Variants in CNBD1 observed in about 807,000 individuals in gnomAD.
CNBD1 encodes cyclic nucleotide binding domain containing 1.
A neutral mutation model predicts 54.4 loss-of-function variants in CNBD1; 71 were observed. The observed-to-expected ratio is 1.30, with a 90% CI of 1.08 to 1.59. CNBD1 has a LOEUF of 1.59. Among genes scored for constraint, CNBD1 ranks in the 40% most tolerant of loss-of-function variants. The pLI is 0.00. For missense variants in CNBD1, 659 were observed against 518.0 expected (o/e 1.27, Z -2.64); for synonymous variants, 182 against 170.7 (o/e 1.07, Z -0.51).
intron 6 of CNBD1, among the ~76,000 whole-genome samples, chr8:87,244,293 G>A (rs2130832849): frequency 6.6e-6 from 1 of 152,272 alleles, no homozygotes; most frequent in South Asian, 2.1e-4. Flanking sequence ...AATCAGCTAT[G>A]CATCTATCTC....
chr8:87,370,826 GC>G (rs1329866757), intron 10 of CNBD1, among the ~76,000 whole-genome samples: 1 of 150,284 alleles, frequency 6.7e-6, no homozygotes, highest in Non-Finnish European at 1.5e-5. Flanking sequence ...GAATGGTAAT[GC>G]CTAGGTTTTC....
At chr8:87,119,567 T>A (rs887210790) in intron 4 of CNBD1, among the ~76,000 whole-genome samples, 2 of 152,110 alleles carry the variant, frequency 1.3e-5, no homozygotes, top group African/African-American at 4.8e-5. Flanking sequence ...TTGCATGCCT[T>A]TTATTTTTTT....
At chr8:87,099,733 G>A (rs922275935) in intron 4 of CNBD1, among the ~76,000 whole-genome samples, 1 of 152,192 alleles carries the variant, frequency 6.6e-6, no homozygotes, top group East Asian at 1.9e-4. Flanking sequence ...ATGTTTGTAT[G>A]ATATAAGGTT....
chr8:87,145,340 C>A (rs1812460674), intron 4 of CNBD1, among the ~76,000 whole-genome samples: 1 of 151,998 alleles, frequency 6.6e-6, no homozygotes, highest in African/African-American at 2.4e-5. Context: ...TTGTACCTGT[C>A]AAAAATATCT....
chr8:87,301,680 C>CA (rs577837070), intron 8 of CNBD1, among the ~76,000 whole-genome samples: 489 of 151,962 alleles, frequency 3.2e-3, no homozygotes, highest in Non-Finnish European at 5.9e-3. Context: ...AAAAACCCTT[C>CA]AAAAAATCAA....
intron 4 of CNBD1, among the ~76,000 whole-genome samples, chr8:87,009,967 CT>C (rs1279483214): frequency 6.6e-6 from 1 of 152,088 alleles, no homozygotes; most frequent in African/African-American, 2.4e-5. Context: ...CTTTTGTCTT[CT>C]TTTTTTGAAA....
chr8:86,940,288 C>A (rs1243836037), intron 4 of CNBD1, among the ~76,000 whole-genome samples: 1 of 151,736 alleles, frequency 6.6e-6, no homozygotes, highest in African/African-American at 2.4e-5. Context: ...TGCCTCAGCC[C>A]CCCAAGTAGC....
intron 4 of CNBD1, among the ~76,000 whole-genome samples, chr8:87,033,032 C>A (rs993016988): frequency 1.1e-4 from 16 of 152,076 alleles, no homozygotes; most frequent in African/African-American, 3.6e-4. Context: ...CTATCATAAA[C>A]CCTGTGAAGT....
rs547086706 is a variant in CNBD1 at position 87,331,331 on chromosome 8, T to C, written c.1043-20354T>C. Among the ~76,000 whole-genome samples, 7 of 152,278 alleles carry C rather than the reference T, an allele frequency of 4.6e-5. No homozygotes were observed. In the South Asian group the frequency reaches 1.4e-3, roughly 32 times the overall value. Reference sequence around the variant, plus strand: ...TGCAGTGTTTGGTTTTCTGTACTTGTGTGAGTTTGTTGAGGTTGATGGCTT... The same window carrying C: ...TGCAGTGTTTGGTTTTCTGTACTTGCGTGAGTTTGTTGAGGTTGATGGCTT... On this transcript the variant is annotated intron_variant, in intron 8 of 10. Coordinates refer to ENST00000518476, the MANE Select transcript of CNBD1 (RefSeq NM_173538.3).
intron 2 of CNBD1, among the ~76,000 whole-genome samples, chr8:87,409,479 A>G (rs1311651981): frequency 6.6e-6 from 1 of 152,184 alleles, no homozygotes; most frequent in East Asian, 1.9e-4. Context: ...TGCTGCAGCA[A>G]ATTATCCAGG....
intron 6 of CNBD1, 35 bp from the exon 7 acceptor site, chr8:87,284,643 T>C: frequency 6.4e-7 from 1 of 1,566,404 alleles, no homozygotes; most frequent in Non-Finnish European, 8.7e-7. Context: ...TGATGAGTGG[T>C]AATAAACATT....
At chr8:87,385,462 G>A (rs1347860442), downstream of CNBD1, among the ~76,000 whole-genome samples, 1 of 152,084 alleles carries the variant, frequency 6.6e-6, no homozygotes, top group African/African-American at 2.4e-5. Flanking sequence ...GGCACACCAG[G>A]AGATTATATC....
At chr8:87,423,789 A>C (rs1451832657) in intron 2 of CNBD1, among the ~76,000 whole-genome samples, 1 of 152,090 alleles carries the variant, frequency 6.6e-6, no homozygotes, top group African/African-American at 2.4e-5. Flanking sequence ...TGCTGGCCTC[A>C]TAAAATGAGT....
At position 87,422,218 on chromosome 8, in the gene CNBD1, G is replaced by C. The variant is rs1201767079; in HGVS notation, c.214-6328G>C. On this transcript the variant is annotated intron_variant, in intron 2 of 7. Transcript: ENST00000521593. ...AGGTTGCAAAAATTTTTCCCATTTT[G>C]TAGGTTGCCTGTTCACTCTGATGGT... 3.4e-5 allele frequency among the ~76,000 whole-genome samples: 5 copies of C among 147,332 alleles called. No homozygotes were observed. The East Asian group carries it at 9.7e-4, about 29-fold the overall frequency.
At position 87,284,738 on chromosome 8, in the gene CNBD1, C is replaced by G; in HGVS notation, c.832C>G (p.Gln278Glu). The G allele has an allele frequency of 6.2e-7, 1 of 1,604,512 alleles. No homozygotes were observed. Among genetic ancestry groups the G allele is most frequent in the Non-Finnish European group, 8.5e-7 (1 of 1,175,428 alleles). ...TATGCCTCAGAATGAATCGGAAACA[C>G]AGATGTTCTCGGTGGTGACAGAAGA... ...EVMPQNESET[Q>E]MFSVVTEDDC... Residue 278 changes from glutamine (Q) to glutamate (E), a missense_variant, in exon 7 of 11, where the codon CAG (glutamine) becomes GAG (glutamate). Transcript: ENST00000518476.
At chr8:87,257,369 C>CA (rs771338208) in intron 6 of CNBD1, among the ~76,000 whole-genome samples, 747 of 67,352 alleles carry the variant, frequency 0.011, 19 homozygotes, top group South Asian at 0.069. Flanking sequence ...AACTCTATCG[C>CA]AAAAAAAAAA....
intron 4 of CNBD1, among the ~76,000 whole-genome samples, chr8:87,055,922 CCTTCCTTCCT>C: frequency 6.8e-6 from 1 of 146,488 alleles, no homozygotes; most frequent in Non-Finnish European, 1.5e-5. Flanking sequence ...TTCCTTCCTT[CCTTCCTTCCT>C]TCCTTCCTTC....
intron 4 of CNBD1, among the ~76,000 whole-genome samples, chr8:87,121,847 A>G (rs1218531231): frequency 6.6e-6 from 1 of 151,182 alleles, no homozygotes; most frequent in African/African-American, 2.4e-5. Context: ...ATAACAGGGG[A>G]CCCCCACCCT....
chr8:87,241,326 A>G (rs779818906), intron 6 of CNBD1, among the ~76,000 whole-genome samples: 36 of 129,456 alleles, frequency 2.8e-4, no homozygotes, highest in Non-Finnish European at 3.7e-4. Context: ...GCTGGAGTGC[A>G]GTGGCGCGAT....
Sources: allele counts gnomAD v4.1 joint callset (sites outside exome capture counted in the v4.1 genomes callset), GRCh38; gene constraint gnomAD v4.1.1; transcripts MANE v1.5; gene names NCBI Gene and HGNC (gene_info 2026-07-23, HGNC 2026-07-21).